Variants in SLC5A1 observed in about 807,000 individuals in gnomAD.
SLC5A1 encodes solute carrier family 5 member 1, also known as sodium/glucose cotransporter 1.
SLC5A1 carries 42 observed loss-of-function variants against 73.5 expected under a neutral mutation model. The ratio of observed to expected loss-of-function variants is 0.57; its 90% confidence interval spans 0.45 to 0.74. The LOEUF is 0.74. Among genes scored for constraint, SLC5A1 ranks in the 30% least tolerant of loss-of-function variants. The pLI is 0.00. For missense variants in SLC5A1, 634 were observed against 855.4 expected, an observed-to-expected ratio of 0.74 and a Z score of 3.23; for synonymous variants, 300 against 317.4, an observed-to-expected ratio of 0.95 and a Z score of 0.58.
intron 10 of SLC5A1, among the ~76,000 whole-genome samples, chr22:32,090,701 A>G (rs899562977): frequency 1.6e-5 from 2 of 127,800 alleles, no homozygotes; most frequent in African/African-American, 5.8e-5. Context: ...TCCACCTAGG[A>G]ATGGAATTTC....
chr22:32,044,270 C>T (rs748106785), intron 1 of SLC5A1, among the ~76,000 whole-genome samples: 5 of 151,894 alleles, frequency 3.3e-5, no homozygotes, highest in Admixed American at 6.6e-5. Flanking sequence ...TCCAGGAGTT[C>T]GAGATCAGCC....
At chr22:32,070,217 TCCCCTCCCCTCCCCCCTCCCCTC>T (rs2093980522) in intron 5 of SLC5A1, among the ~76,000 whole-genome samples, 1 of 17,230 alleles carries the variant, frequency 5.8e-5, no homozygotes, top group Non-Finnish European at 1.1e-4. Context: ...TCTTCTCCCC[TCCCCTCCCCTCCCCCCTCCCCTC>T]CCCCTCCCCT....
At chr22:32,103,680 A>G (rs1603144562) in intron 13 of SLC5A1, among the ~76,000 whole-genome samples, 1 of 152,392 alleles carries the variant, frequency 6.6e-6, no homozygotes, top group East Asian at 1.9e-4. Flanking sequence ...ACCTAGTTAC[A>G]AAAATCAGTC....
intron 12 of SLC5A1, among the ~76,000 whole-genome samples, chr22:32,100,109 A>G (rs2094033799): frequency 6.6e-6 from 1 of 152,226 alleles, no homozygotes; most frequent in Non-Finnish European, 1.5e-5. Context: ...TTCAGGCAGA[A>G]GTAGGACAGG....
chr22:32,048,574 C>T (rs2093940186), intron 1 of SLC5A1, among the ~76,000 whole-genome samples: 1 of 152,202 alleles, frequency 6.6e-6, no homozygotes, highest in Admixed American at 6.5e-5. Flanking sequence ...TAACACTGTT[C>T]GCCATTCTCT....
intron 5 of SLC5A1, among the ~76,000 whole-genome samples, chr22:32,076,326 G>A (rs2093990882): frequency 6.6e-6 from 1 of 152,132 alleles, no homozygotes; most frequent in African/African-American, 2.4e-5. Context: ...GAATTTTATT[G>A]GCTCCCTCGA....
chr22:32,073,606 GAGTACTGT>G (rs1405166097), intron 5 of SLC5A1, among the ~76,000 whole-genome samples: 1 of 152,032 alleles, frequency 6.6e-6, no homozygotes, highest in Admixed American at 6.6e-5. Context: ...GCCCAGGCTG[GAGTACTGT>G]GGCGCGATCT....
At chr22:32,080,652 A>G (rs2093998318) in intron 5 of SLC5A1, among the ~76,000 whole-genome samples, 2 of 152,186 alleles carry the variant, frequency 1.3e-5, no homozygotes, top group Non-Finnish European at 2.9e-5. Flanking sequence ...CAGTTCGTGC[A>G]TTCATTCCAT....
intron 2 of SLC5A1, among the ~76,000 whole-genome samples, chr22:32,060,422 T>C (rs1251765285): frequency 1.3e-5 from 2 of 152,156 alleles, no homozygotes; most frequent in Non-Finnish European, 2.9e-5. Flanking sequence ...CTTGAACTCC[T>C]GACCTTAGGT....
chr22:32,095,120 G>T (rs528178543), intron 11 of SLC5A1, among the ~76,000 whole-genome samples: 1 of 152,214 alleles, frequency 6.6e-6, no homozygotes, highest in Non-Finnish European at 1.5e-5. Context: ...TCAGGAGCAG[G>T]TTATTTAATT....
intron 2 of SLC5A1, among the ~76,000 whole-genome samples, chr22:32,056,083 G>A (rs748865531): frequency 3.3e-5 from 5 of 152,136 alleles, no homozygotes; most frequent in Non-Finnish European, 5.9e-5. Context: ...GTGCAGTGAC[G>A]TGATCATAAC....
intron 1 of SLC5A1, among the ~76,000 whole-genome samples, chr22:32,044,371 G>T (rs746814465): frequency 6.6e-5 from 10 of 152,230 alleles, no homozygotes; most frequent in Non-Finnish European, 1.2e-4. Context: ...CCATTCTCGT[G>T]ATTGTTATGG....
intron 5 of SLC5A1, among the ~76,000 whole-genome samples, chr22:32,070,436 G>A (rs1474470687): frequency 1.3e-5 from 2 of 151,448 alleles, no homozygotes; most frequent in African/African-American, 4.9e-5. Context: ...GGGCTCAAGC[G>A]ATCCTTCCAC....
chr22:32,084,797 C>G, intron 8 of SLC5A1, 103 bp from the exon 9 acceptor site: 3 of 1,556,152 alleles, frequency 1.9e-6, no homozygotes, highest in Non-Finnish European at 2.7e-6. Context: ...CCCAGTGATA[C>G]AGCAGTGCCA....
intron 12 of SLC5A1, among the ~76,000 whole-genome samples, chr22:32,100,857 AC>A (rs1296481586): frequency 6.6e-6 from 1 of 152,154 alleles, no homozygotes; most frequent in African/African-American, 2.4e-5. Flanking sequence ...AGTGAATGAA[AC>A]CTGTTTCCTT....
chr22:32,084,728 G>A, intron 8 of SLC5A1, 69 bp downstream of exon 8: 1 of 1,535,542 alleles, frequency 6.5e-7, no homozygotes, highest in African/African-American at 1.4e-5. Flanking sequence ...CTGTCTGTCT[G>A]TGGTTTGCAG....
chr22:32,050,058 T>C, intron 2 of SLC5A1, 44 bp downstream of exon 2: 3 of 1,501,392 alleles, frequency 2.0e-6, no homozygotes, highest in Non-Finnish European at 9.3e-7. Flanking sequence ...GCTTAACTGA[T>C]ACTCCCTTTA....
intron 10 of SLC5A1, among the ~76,000 whole-genome samples, chr22:32,090,087 C>T (rs1222571990): frequency 7.2e-6 from 1 of 138,298 alleles, no homozygotes; most frequent in Non-Finnish European, 1.5e-5. Flanking sequence ...GTTAGAAATA[C>T]AGCCTTGTCT....
At chr22:32,069,136 CAT>C (rs1289337888) in intron 5 of SLC5A1, among the ~76,000 whole-genome samples, 1 of 152,092 alleles carries the variant, frequency 6.6e-6, no homozygotes, top group Admixed American at 6.5e-5. Context: ...ATGTCCATAA[CAT>C]GGATGAACCT....
Sources: gnomAD v4.1 joint callset for allele counts (sites outside exome capture counted in the v4.1 genomes callset) on GRCh38, gnomAD v4.1.1 for gene constraint, MANE v1.5 for transcripts, NCBI Gene and HGNC (gene_info 2026-07-23, HGNC 2026-07-21) for gene names.